Variants in ALG12 observed in about 807,000 individuals in gnomAD.
The protein encoded by ALG12 is dol-P-Man:Man(7)GlcNAc(2)-PP-Dol alpha-1,6-mannosyltransferase.
A neutral mutation model predicts 46.0 loss-of-function variants in ALG12; 36 were observed. The observed-to-expected ratio is 0.78, with a 90% CI of 0.60 to 1.03. The LOEUF (loss-of-function observed/expected upper bound fraction) is 1.03. ALG12 is among the 50% of genes least tolerant of loss of function. The pLI is 0.00. For synonymous variants in ALG12, 326 were observed against 291.6 expected (o/e 1.12, Z -1.20); for missense variants, 599 against 633.5 (o/e 0.95, Z 0.58).
chr22:49,863,104 G>A, the ALG12 span, among the ~76,000 whole-genome samples: 1 of 152,196 alleles, frequency 6.6e-6, no homozygotes, highest in African/African-American at 2.4e-5. Context: ...TCACGGTCTA[G>A]ATTTTGCTGG....
At chr22:49,864,913 G>A in the ALG12 span, among the ~76,000 whole-genome samples, 1 of 135,390 alleles carries the variant, frequency 7.4e-6, no homozygotes, top group East Asian at 2.3e-4. Flanking sequence ...CTCCTTGATT[G>A]ACCATGGGGT....
the ALG12 span, among the ~76,000 whole-genome samples, chr22:49,864,097 T>C: frequency 1.3e-5 from 2 of 152,240 alleles, no homozygotes; most frequent in South Asian, 2.1e-4. Context: ...ACAGTCTGCA[T>C]GTGACAGGTG....
Position 49,904,500 on chromosome 22 carries a change from A to G in ALG12, c.999T>C (p.Asn333=), listed in dbSNP as rs1157540315. ...TAARGCSYLL[N]NYKKSWLYKA... ...TGTACAGCCAAGACTTTTTATAGTT[A>G]TTCAGCCTGAAAAAAGAATGGTTAC... The change falls in exon 8 of 10, where the codon AAT becomes AAC. Residue 333 remains asparagine (N), a synonymous_variant. Transcript: ENST00000330817. 2 of 1,614,220 alleles carry G rather than the reference A, an allele frequency of 1.2e-6. No individual in the cohort carries two copies. The highest frequency in any genetic ancestry group is 1.7e-6 in the Non-Finnish European group (2 of 1,180,028).
At chr22:49,904,567 T>C (rs1387818745) in intron 7 of ALG12, 61 bp from the exon 8 acceptor site, 2 of 1,574,758 alleles carry the variant, frequency 1.3e-6, no homozygotes, top group African/African-American at 1.3e-5. Context: ...TTAATCTACC[T>C]ACAAAACATA....
chr22:49,903,692 C>T lies in ALG12; in HGVS notation c.*146G>A. On this transcript the variant is annotated 3_prime_UTR_variant, in exon 10 of 10. Transcript: ENST00000330817. ...CTGAGGCTGTGGAGGAGGCCCTGGA[C>T]CTGGTCTGGTGTCTGTCAGAGGCAG... is the stretch of plus-strand genomic sequence containing the variant. 1.1e-6 allele frequency: 1 copy of T among 927,434 alleles called. No homozygotes were observed. Among genetic ancestry groups the T allele is most frequent in the Non-Finnish European group, 1.7e-6 (1 of 587,794 alleles). The allele number at this position is 927,434 out of a possible 1,614,324, so 57.5% of individuals were successfully genotyped here.
chr22:49,883,916 C>A, the ALG12 span: 1 of 1,609,532 alleles, frequency 6.2e-7, no homozygotes, highest in Non-Finnish European at 8.5e-7. Context: ...GACTATGGCG[C>A]GCTGTTCTCC....
At chr22:49,885,007 C>A in the ALG12 span, 2 of 1,613,230 alleles carry the variant, frequency 1.2e-6, no homozygotes, top group South Asian at 2.2e-5. Flanking sequence ...CATCTTCCAG[C>A]AGAATAAAAA....
chr22:49,903,550 G>C lies in ALG12; in HGVS notation c.*288C>G, dbSNP rs1305162413. ...TCCTGATTAGTCATGAATGGCACCT[G>C]GTCTGGGCGACAGTCACCCGCAGGA... On this transcript the variant is annotated 3_prime_UTR_variant, in exon 10 of 10. Transcript: ENST00000330817. 1.6e-6 allele frequency: 1 copy of C among 608,544 alleles called. No homozygotes were observed. Among genetic ancestry groups the C allele is most frequent in the Non-Finnish European group, 3.1e-6 (1 of 324,710 alleles). 37.7% of individuals were successfully genotyped at this position (608,544 alleles called of 1,614,324 possible). A position where few individuals can be genotyped will look rare whatever the true frequency, so the allele number is the denominator to read the frequency against.
At chr22:49,862,719 T>TA in the ALG12 span, among the ~76,000 whole-genome samples, 1 of 105,056 alleles carries the variant, frequency 9.5e-6, no homozygotes, top group African/African-American at 2.8e-5. Flanking sequence ...TTTTTTTTTT[T>TA]AGACTTAAGT....
Position 49,905,391 on chromosome 22 carries a change from C to T in ALG12, c.993-885G>A, listed in dbSNP as rs1384463383. On this transcript the variant is annotated intron_variant, in intron 7 of 9. Transcript: ENST00000330817. This position sits in a 1 kb window ranked among gnomAD's most constrained non-coding sequence, Gnocchi z 4.9. ...CCTTTGCTATGGTTTGGATCTGCGT[C>T]CCCACCAAATCTCATGTCCAACTGT... Among the ~76,000 whole-genome samples the T allele has an allele frequency of 1.3e-5, 2 of 152,178 alleles. No individual in the cohort carries two copies. The highest frequency in any genetic ancestry group is 4.8e-5 in the African/African-American group (2 of 41,434).
At position 49,903,134 on chromosome 22, in the gene ALG12, A is replaced by G. The variant is rs1296650452; in HGVS notation, c.*704T>C. 3 of 356,806 alleles carry G rather than the reference A, an allele frequency of 8.4e-6. No homozygotes were observed. The highest frequency in any genetic ancestry group is 4.2e-5 in the South Asian group (2 of 47,772). 22.1% of individuals were successfully genotyped at this position (356,806 alleles called of 1,614,324 possible). A position where few individuals can be genotyped will look rare whatever the true frequency, so the allele number is the denominator to read the frequency against. ...GACAGCACCAAGCTGTCCCTTTACCATAACACCTGGAATAGTCACCTGTGA... is the reference window on the plus strand; with the variant it reads ...GACAGCACCAAGCTGTCCCTTTACCGTAACACCTGGAATAGTCACCTGTGA... On this transcript the variant is annotated 3_prime_UTR_variant, in exon 10 of 10. Coordinates refer to ENST00000330817, the MANE Select transcript of ALG12 (RefSeq NM_024105.4).
At chr22:49,880,879 T>G in the ALG12 span, among the ~76,000 whole-genome samples, 1 of 152,308 alleles carries the variant, frequency 6.6e-6, no homozygotes, top group South Asian at 2.1e-4. Flanking sequence ...ATTTCTCCAT[T>G]TGTTTAAAAG....
the ALG12 span, chr22:49,887,303 C>G: frequency 9.8e-7 from 1 of 1,023,356 alleles, no homozygotes; most frequent in Non-Finnish European, 1.4e-6. Context: ...CAGGGCCGCT[C>G]TCCAGCTCAC....
the ALG12 span, chr22:49,884,504 C>A: frequency 6.2e-7 from 1 of 1,614,086 alleles, no homozygotes; most frequent in Admixed American, 1.7e-5. Context: ...CCAAAGAGCA[C>A]CTCTGGGTCC....
rs1226322803 is a variant in ALG12, at chr22:49,913,358, C to T, written c.295+27G>A. 16 of 1,613,120 alleles carry T rather than the reference C, an allele frequency of 9.9e-6. No individual in the cohort carries two copies. In the Admixed American group the frequency reaches 1.0e-4, roughly 10 times the overall value. ...CGATGACACCACAGTCCCTCACTCC[C>T]TCCTCCTTTGTTGAAGACCCCCTTA... On this transcript the variant is annotated intron_variant, in intron 3 of 9. Transcript: ENST00000330817.
At chr22:49,874,671 C>CATTTTTTTTT in the ALG12 span, among the ~76,000 whole-genome samples, 1 of 17,840 alleles carries the variant, frequency 5.6e-5, no homozygotes, top group Non-Finnish European at 1.5e-4. Context: ...CCATGCCCAG[C>CATTTTTTTTT]CTTTTTTTTT....
In ALG12 at chr22:49,911,583, T is replaced by C. The variant is rs1175144066; in HGVS notation, c.296-976A>G. 2.0e-5 allele frequency among the ~76,000 whole-genome samples: 3 copies of C among 152,122 alleles called. No individual in the cohort carries two copies. In the South Asian group the frequency reaches 6.2e-4, roughly 32 times the overall value. On this transcript the variant is annotated intron_variant, in intron 3 of 9. Transcript: ENST00000330817. ...CGGAGTAGCTGGGATTATAGGCGCATGCCAACACGCCCGGCTAATTTTTGT... is the reference window on the plus strand; with the variant it reads ...CGGAGTAGCTGGGATTATAGGCGCACGCCAACACGCCCGGCTAATTTTTGT...
intron 3 of ALG12, among the ~76,000 whole-genome samples, chr22:49,912,583 C>T (rs2060584781): frequency 6.6e-6 from 1 of 152,226 alleles, no homozygotes; most frequent in South Asian, 2.1e-4. Context: ...TGCTCCTTCC[C>T]CAGGAACGTG....
At chr22:49,865,863 C>CT in the ALG12 span, among the ~76,000 whole-genome samples, 37,729 of 139,336 alleles carry the variant, frequency 0.27, 9,329 homozygotes, top group African/African-American at 0.66. Context: ...TTCACATTTT[C>CT]TTTTTTTTTT....
Sources: gnomAD v4.1 joint callset for allele counts (sites outside exome capture counted in the v4.1 genomes callset) on GRCh38, gnomAD v4.1.1 for gene constraint, Gnocchi (gnomAD v3.1) non-coding constraint, MANE v1.5 for transcripts, NCBI Gene and HGNC (gene_info 2026-07-23, HGNC 2026-07-21) for gene names.